SLC1A1: variants seen among roughly 807,000 people sequenced by gnomAD.
SLC1A1 encodes solute carrier family 1 member 1.
SLC1A1 carries 43 observed loss-of-function variants against 53.3 expected under a neutral mutation model. The observed-to-expected ratio is 0.81, with a 90% confidence interval of 0.63 to 1.04. The LOEUF is 1.04. SLC1A1 is among the 50% of genes least tolerant of loss of function. The pLI is 0.00. For synonymous variants in SLC1A1, 307 were observed against 243.2 expected (o/e 1.26, Z -2.44); for missense variants, 748 against 664.9 (o/e 1.12, Z -1.37).
At chr9:4,548,615 G>A (rs1330704294) in intron 2 of SLC1A1, among the ~76,000 whole-genome samples, 1 of 152,156 alleles carries the variant, frequency 6.6e-6, no homozygotes, top group African/African-American at 2.4e-5. Context: ...ATAAGGTTAA[G>A]AAGCCAAATT....
intron 3 of SLC1A1, among the ~76,000 whole-genome samples, chr9:4,563,800 T>C (rs1400634468): frequency 6.6e-6 from 1 of 152,116 alleles, no homozygotes; most frequent in Non-Finnish European, 1.5e-5. Flanking sequence ...CATCTATTTG[T>C]CCTCATTCCA....
chr9:4,558,417 T>C (rs755312286), intron 2 of SLC1A1, among the ~76,000 whole-genome samples: 5 of 151,992 alleles, frequency 3.3e-5, no homozygotes, highest in Non-Finnish European at 5.9e-5. Context: ...ATCCGGGAAA[T>C]TGGTAGGATG....
chr9:4,515,846 G>T (rs1351965130), intron 1 of SLC1A1, among the ~76,000 whole-genome samples: 1 of 152,108 alleles, frequency 6.6e-6, no homozygotes, highest in Non-Finnish European at 1.5e-5. Context: ...TCCTCCCAAG[G>T]CCAGGCTGTG....
At chr9:4,552,703 G>C (rs933325304) in intron 2 of SLC1A1, among the ~76,000 whole-genome samples, 4 of 151,962 alleles carry the variant, frequency 2.6e-5, no homozygotes, top group African/African-American at 7.3e-5. Context: ...GCCTGGGTTT[G>C]AATCCTGGTT....
intron 1 of SLC1A1, among the ~76,000 whole-genome samples, chr9:4,540,413 T>G (rs545503781): frequency 3.7e-4 from 56 of 152,276 alleles, no homozygotes; most frequent in African/African-American, 1.3e-3. Context: ...CCCTGTGCTC[T>G]CGGTAGAGAG....
intron 1 of SLC1A1, among the ~76,000 whole-genome samples, chr9:4,536,740 A>C (rs953431873): frequency 6.6e-6 from 1 of 152,236 alleles, no homozygotes; most frequent in African/African-American, 2.4e-5. Context: ...AGACACATGC[A>C]CATGTATGTT....
intron 5 of SLC1A1, 31 bp downstream of exon 5, chr9:4,566,120 C>T: frequency 1.3e-6 from 2 of 1,572,218 alleles, no homozygotes; most frequent in Non-Finnish European, 1.8e-6. Context: ...CCTTAACTTG[C>T]TACCCTCTTC....
At chr9:4,535,243 A>G (rs1216910786) in intron 1 of SLC1A1, among the ~76,000 whole-genome samples, 1 of 152,180 alleles carries the variant, frequency 6.6e-6, no homozygotes, top group Non-Finnish European at 1.5e-5. Context: ...AAGGGGATTC[A>G]ATTAGGAAAA....
chr9:4,529,305 A>G (rs1024967718), intron 1 of SLC1A1, among the ~76,000 whole-genome samples: 1 of 152,072 alleles, frequency 6.6e-6, no homozygotes, highest in African/African-American at 2.4e-5. Flanking sequence ...ACGTACATCT[A>G]CCTAATTATG....
In SLC1A1 at chr9:4,572,283, T is replaced by C; in HGVS notation, c.662T>C (p.Val221Ala). 6.2e-7 allele frequency: 1 copy of C among 1,614,148 alleles called. No individual in the cohort carries two copies. The highest frequency in any genetic ancestry group is 8.5e-7 in the Non-Finnish European group (1 of 1,179,980). ...CTGGGCTTGATTGTCTTTTGCCTTG[T>C]CTTTGGACTTGTCATTGGAAAAATG... ...NVLGLIVFCL[V>A]FGLVIGKMGE... The change falls in exon 7 of 12, where the codon GTC (valine) becomes GCC (alanine). Residue 221 changes from valine (V) to alanine (A), a missense_variant. Coordinates refer to ENST00000262352, the MANE Select transcript of SLC1A1 (RefSeq NM_004170.6).
At chr9:4,552,218 G>A (rs967722864) in intron 2 of SLC1A1, among the ~76,000 whole-genome samples, 14 of 152,122 alleles carry the variant, frequency 9.2e-5, no homozygotes, top group Non-Finnish European at 1.6e-4. Context: ...TATCTTTAAT[G>A]AGCCAGGCTC....
intron 1 of SLC1A1, among the ~76,000 whole-genome samples, chr9:4,534,534 G>C (rs1483861215): frequency 6.6e-6 from 1 of 152,104 alleles, no homozygotes; most frequent in Non-Finnish European, 1.5e-5. Flanking sequence ...TCTCTGAATA[G>C]ACCAATAACA....
chr9:4,559,698 A>G (rs1818748328), intron 2 of SLC1A1: 1 of 152,162 alleles, frequency 6.6e-6, no homozygotes, highest in South Asian at 2.1e-4. Context: ...AGGCTTTGCA[A>G]ATGGTTATGG....
Position 4,583,296 on chromosome 9 carries a change from A to G in SLC1A1, c.1328+124A>G. ...TAATGAGCCACCTGTTGCTGCTTTA[A>G]TTTTCCTCTGACCAGGCCATCTGAT... On this transcript the variant is annotated intron_variant, in intron 11 of 11. Coordinates refer to ENST00000262352, the MANE Select transcript of SLC1A1 (RefSeq NM_004170.6). This position sits in a 1 kb window ranked among gnomAD's most constrained non-coding sequence, Gnocchi z 4.6. 8.0e-7 allele frequency: 1 copy of G among 1,250,094 alleles called. No individual in the cohort carries two copies. Among genetic ancestry groups the G allele is most frequent in the Non-Finnish European group, 1.2e-6 (1 of 857,204 alleles). The allele number at this position is 1,250,094 out of a possible 1,614,324, so 77.4% of individuals were successfully genotyped here.
At chr9:4,493,560 T>G (rs1820311747) in intron 1 of SLC1A1, among the ~76,000 whole-genome samples, 1 of 152,176 alleles carries the variant, frequency 6.6e-6, no homozygotes, top group Admixed American at 6.5e-5. Context: ...ACTGTGAAAT[T>G]TATTAACTAT....
rs146480698 is a variant in SLC1A1, at chr9:4,576,145, G to A, written c.998+22G>A. Reference sequence around the variant, plus strand: ...CCAGGTAAACAGAAGAGGGGTTTCTGGAAGAAGCCTCCAGGCTCAACGTTA... The same window carrying A: ...CCAGGTAAACAGAAGAGGGGTTTCTAGAAGAAGCCTCCAGGCTCAACGTTA... On this transcript the variant is annotated intron_variant, in intron 9 of 11. Transcript: ENST00000262352. 1,098 of 1,611,736 alleles carry A rather than the reference G, an allele frequency of 6.8e-4. 13 individuals are homozygous for A. In the African/African-American group the frequency reaches 0.013, roughly 19 times the overall value.
At chr9:4,495,815 C>T (rs1481121417) in intron 1 of SLC1A1, among the ~76,000 whole-genome samples, 2 of 152,098 alleles carry the variant, frequency 1.3e-5, no homozygotes, top group South Asian at 2.1e-4. Flanking sequence ...GGTTAACCTG[C>T]AGGGCTTGGC....
chr9:4,538,226 A>C (rs1816748655), intron 1 of SLC1A1, among the ~76,000 whole-genome samples: 1 of 152,194 alleles, frequency 6.6e-6, no homozygotes, highest in Non-Finnish European at 1.5e-5. Context: ...TGTACATTTT[A>C]GGGAGATATG....
chr9:4,522,652 G>C (rs574087346), intron 1 of SLC1A1, among the ~76,000 whole-genome samples: 1 of 152,150 alleles, frequency 6.6e-6, no homozygotes, highest in Admixed American at 6.5e-5. Context: ...GAGGCCTCAG[G>C]AAACTTACAA....
Sources: allele counts gnomAD v4.1 joint callset (sites outside exome capture counted in the v4.1 genomes callset), GRCh38; gene constraint gnomAD v4.1.1; non-coding constraint Gnocchi (gnomAD v3.1); transcripts MANE v1.5; gene names NCBI Gene and HGNC (gene_info 2026-07-23, HGNC 2026-07-21).